Variants in FGF12 observed in about 807,000 individuals in gnomAD.
The protein encoded by FGF12 is fibroblast growth factor 12B.
Under a neutral mutation model 23.6 loss-of-function variants are expected in FGF12, and 14 were observed. The observed-to-expected ratio is 0.59, with a 90% CI of 0.39 to 0.93. The LOEUF (loss-of-function observed/expected upper bound fraction) is 0.93, where lower values mean the gene tolerates loss of function less well. Ranked by LOEUF, FGF12 falls within the 40% of genes least tolerant of loss-of-function variation. The pLI, the probability that FGF12 is intolerant of heterozygous loss-of-function variation, is 0.00. For synonymous variants in FGF12, 62 were observed against 77.3 expected (o/e 0.80, Z 1.04); for missense variants, 175 against 217.8 (o/e 0.80, Z 1.24).
At chr3:192,324,427 T>A (rs6788342) in intron 4 of FGF12, among the ~76,000 whole-genome samples, 23 of 152,108 alleles carry the variant, frequency 1.5e-4, no homozygotes, top group African/African-American at 5.1e-4. Context: ...TTAAAATATA[T>A]CTACTGCTGC....
chr3:192,325,741 C>G (rs1716785089), intron 4 of FGF12, among the ~76,000 whole-genome samples: 1 of 152,098 alleles, frequency 6.6e-6, no homozygotes, highest in South Asian at 2.1e-4. Flanking sequence ...CAGGTGGCTT[C>G]CCAGGAAGAT....
chr3:192,600,265 A>C (rs956513334), intron 2 of FGF12, among the ~76,000 whole-genome samples: 1 of 152,020 alleles, frequency 6.6e-6, no homozygotes, highest in African/African-American at 2.4e-5. Context: ...TGTTTTTATA[A>C]CAACATCATG....
intron 2 of FGF12, among the ~76,000 whole-genome samples, chr3:192,394,646 C>G (rs1440686652): frequency 2.0e-5 from 3 of 152,106 alleles, no homozygotes; most frequent in Non-Finnish European, 4.4e-5. Context: ...CCCAAGGTCA[C>G]CAGGACTCTG....
intron 4 of FGF12, among the ~76,000 whole-genome samples, chr3:192,250,744 A>G (rs1711951170): frequency 6.6e-6 from 1 of 152,124 alleles, no homozygotes; most frequent in African/African-American, 2.4e-5. Flanking sequence ...TTTGTGCTGT[A>G]AAGAATTCAA....
chr3:192,406,838 A>G (rs745534571), intron 2 of FGF12, among the ~76,000 whole-genome samples: 1 of 152,136 alleles, frequency 6.6e-6, no homozygotes, highest in Non-Finnish European at 1.5e-5. Flanking sequence ...CCTTCATCCA[A>G]TGGACCCAAC....
At chr3:192,440,109 G>A (rs1722161245) in intron 2 of FGF12, among the ~76,000 whole-genome samples, 1 of 152,086 alleles carries the variant, frequency 6.6e-6, no homozygotes, top group Admixed American at 6.5e-5. Context: ...ATTGGGAACA[G>A]CATGTAGGAA....
intron 2 of FGF12, among the ~76,000 whole-genome samples, chr3:192,482,114 A>G (rs1393903226): frequency 6.6e-6 from 1 of 152,164 alleles, no homozygotes; most frequent in Non-Finnish European, 1.5e-5. Flanking sequence ...ATTGCACCTC[A>G]TTATTGGGAT....
intron 2 of FGF12, among the ~76,000 whole-genome samples, chr3:192,479,250 G>A (rs1180172127): frequency 6.6e-6 from 1 of 152,082 alleles, no homozygotes; most frequent in Non-Finnish European, 1.5e-5. Context: ...TCTATGTTTA[G>A]AGTCTAACAC....
At chr3:192,506,008 A>G (rs1400096339) in intron 2 of FGF12, among the ~76,000 whole-genome samples, 1 of 152,214 alleles carries the variant, frequency 6.6e-6, no homozygotes, top group African/African-American at 2.4e-5. Context: ...GTAACATATG[A>G]CCTATGTTCA....
chr3:192,173,198 A>T lies in FGF12; in HGVS notation c.229-2542T>A, dbSNP rs186502467. On this transcript the variant is annotated intron_variant, in intron 4 of 5. Coordinates refer to ENST00000445105, the MANE Select transcript of FGF12 (RefSeq NM_004113.6). The stretch of plus-strand genomic sequence containing the variant: ...GAGGGATGAAATGTTCTGGGATTAG[A>T]TACCGGTGATGTTTGCAAAACTTTC... Among the ~76,000 whole-genome samples, 3 of 151,058 alleles carry T rather than the reference A, an allele frequency of 2.0e-5. No individual in the cohort carries two copies. The Admixed American group carries it at 2.0e-4, about 10-fold the overall frequency.
At chr3:192,592,359 A>G (rs1713661446) in intron 2 of FGF12, among the ~76,000 whole-genome samples, 2 of 151,758 alleles carry the variant, frequency 1.3e-5, no homozygotes, top group Non-Finnish European at 2.9e-5. Context: ...TTGGAATCCA[A>G]TCTTATTTGT....
intron 2 of FGF12, among the ~76,000 whole-genome samples, chr3:192,639,855 G>C (rs1476007847): frequency 6.6e-6 from 1 of 152,050 alleles, no homozygotes; most frequent in South Asian, 2.1e-4. Context: ...TAGACACTAA[G>C]GTAGGACTGT....
At chr3:192,342,938 A>C (rs576757389) in intron 3 of FGF12, among the ~76,000 whole-genome samples, 1 of 152,292 alleles carries the variant, frequency 6.6e-6, no homozygotes, top group East Asian at 1.9e-4. Flanking sequence ...AACACATAGG[A>C]AAACAATGTG....
intron 4 of FGF12, among the ~76,000 whole-genome samples, chr3:192,178,653 C>A (rs1205018538): frequency 6.6e-6 from 1 of 152,140 alleles, no homozygotes; most frequent in African/African-American, 2.4e-5. Flanking sequence ...CGCCTGCCAC[C>A]ATGCCTTAAT....
intron 2 of FGF12, among the ~76,000 whole-genome samples, chr3:192,545,286 T>C (rs1402191048): frequency 6.6e-6 from 1 of 152,224 alleles, no homozygotes; most frequent in Non-Finnish European, 1.5e-5. Flanking sequence ...CAATTTATCA[T>C]TACCAACATA....
intron 2 of FGF12, among the ~76,000 whole-genome samples, chr3:192,394,850 A>G (rs536454631): frequency 1.3e-5 from 2 of 152,368 alleles, no homozygotes; most frequent in Non-Finnish European, 2.9e-5. Flanking sequence ...GAAAAGAAGA[A>G]AAACAAATGA....
chr3:192,227,782 A>G (rs1718817631), intron 4 of FGF12, among the ~76,000 whole-genome samples: 1 of 152,140 alleles, frequency 6.6e-6, no homozygotes, highest in Admixed American at 6.6e-5. Context: ...TATGATACAT[A>G]GTCATGATTT....
chr3:192,159,621 A>G lies in FGF12; in HGVS notation c.427+10837T>C, dbSNP rs75061437. Among the ~76,000 whole-genome samples, 301 of 152,286 alleles carry G rather than the reference A, an allele frequency of 2.0e-3. 2 individuals carry two copies. In the Middle Eastern group the frequency reaches 0.02, roughly 10 times the overall value. ...TGAGAAAGTTCCACACAATAGAATA[A>G]TTTTTCCAAACAAGATAGTCTCCCC... is the stretch of plus-strand genomic sequence containing the variant. On this transcript the variant is annotated intron_variant, in intron 5 of 5. Coordinates refer to ENST00000445105, the MANE Select transcript of FGF12 (RefSeq NM_004113.6).
intron 2 of FGF12, among the ~76,000 whole-genome samples, chr3:192,506,879 G>A (rs1724320838): frequency 6.9e-6 from 1 of 144,256 alleles, no homozygotes; most frequent in Admixed American, 7.2e-5. Context: ...ATCTAGTCAT[G>A]GCCATTAACT....
Sources: allele counts gnomAD v4.1 joint callset (sites outside exome capture counted in the v4.1 genomes callset), GRCh38; gene constraint gnomAD v4.1.1; transcripts MANE v1.5; gene names NCBI Gene and HGNC (gene_info 2026-07-23, HGNC 2026-07-21).